The following NAV2 variants were observed in gnomAD, a reference collection of about 807,000 sequenced individuals.
NAV2 encodes the protein neuron navigator 2.
Under a neutral mutation model 223.2 loss-of-function variants are expected in NAV2, and 54 were observed. The ratio of observed to expected loss-of-function variants is 0.24; its 90% CI spans 0.19 to 0.30. The LOEUF is 0.30. NAV2 is among the 10% of genes least tolerant of loss of function. NAV2 has a pLI of 1.00. For missense variants in NAV2, 2,806 were observed against 3,147.5 expected (o/e 0.89, Z 2.60); for synonymous variants, 1,279 against 1,239.3 (o/e 1.03, Z -0.67).
chr11:19,444,224 A>T (rs1013083918), intron 1 of NAV2, among the ~76,000 whole-genome samples: 18 of 152,184 alleles, frequency 1.2e-4, no homozygotes. Flanking sequence ...TACAGGCATG[A>T]GCCACTGTGC....
chr11:19,396,088 C>T (rs1040063442), intron 1 of NAV2, among the ~76,000 whole-genome samples: 2 of 152,164 alleles, frequency 1.3e-5, no homozygotes, highest in African/African-American at 4.8e-5. Flanking sequence ...GTACCTAGAG[C>T]CCTGCTCAGC....
At chr11:19,789,805 C>G (rs954803001) in intron 1 of NAV2, among the ~76,000 whole-genome samples, 1 of 152,168 alleles carries the variant, frequency 6.6e-6, no homozygotes, top group African/African-American at 2.4e-5. Context: ...GGGGCTTCCT[C>G]CCCCTTTCTG....
intron 10 of NAV2, among the ~76,000 whole-genome samples, chr11:19,949,443 T>C (rs796580259): frequency 1.6e-4 from 25 of 152,192 alleles, no homozygotes; most frequent in African/African-American, 5.6e-4. Flanking sequence ...TCCTCTCTCC[T>C]ACCTATTTCC....
chr11:20,099,630 T>G (rs1199861777), intron 31 of NAV2, among the ~76,000 whole-genome samples: 2 of 152,162 alleles, frequency 1.3e-5, no homozygotes, highest in Non-Finnish European at 2.9e-5. Context: ...TTCAAGACAC[T>G]AAAAACCACT....
intron 30 of NAV2, 84 bp from the exon 31 acceptor site, chr11:20,097,493 T>C (rs1039879680): frequency 4.5e-6 from 5 of 1,116,550 alleles, no homozygotes; most frequent in Non-Finnish European, 5.0e-6. Context: ...GAGAATATGA[T>C]CATAAATCAC....
intron 36 of NAV2, among the ~76,000 whole-genome samples, chr11:20,110,395 G>A (rs975622857): frequency 2.0e-5 from 3 of 152,198 alleles, no homozygotes; most frequent in Non-Finnish European, 4.4e-5. Flanking sequence ...GGAACATTTG[G>A]TGATGTTTTT....
chr11:19,383,203 A>T (rs533611708), intron 1 of NAV2, among the ~76,000 whole-genome samples: 2 of 152,062 alleles, frequency 1.3e-5, no homozygotes, highest in Non-Finnish European at 2.9e-5. Context: ...CTTCCTTTAC[A>T]GTTAACTGTG....
intron 1 of NAV2, among the ~76,000 whole-genome samples, chr11:19,780,220 A>T (rs187904260): frequency 6.6e-6 from 1 of 152,292 alleles, no homozygotes; most frequent in East Asian, 1.9e-4. Flanking sequence ...ATCTGTCCAA[A>T]TCCCATCTGA....
At chr11:19,414,382 C>A (rs1399494968) in intron 1 of NAV2, among the ~76,000 whole-genome samples, 1 of 152,164 alleles carries the variant, frequency 6.6e-6, no homozygotes, top group Non-Finnish European at 1.5e-5. Flanking sequence ...ATCAATGCAA[C>A]AAGAAGAGCT....
At chr11:19,690,172 G>A (rs916322602) in intron 1 of NAV2, among the ~76,000 whole-genome samples, 1 of 152,088 alleles carries the variant, frequency 6.6e-6, no homozygotes, top group African/African-American at 2.4e-5. Flanking sequence ...ATGTTGGTCA[G>A]GCTGCTCTAG....
rs139275676 is a variant in NAV2, at chr11:19,814,441, C to G, written c.268-18043C>G. Among the ~76,000 whole-genome samples, 213 of 152,300 alleles carry G rather than the reference C, an allele frequency of 1.4e-3. 1 individual carries two copies. The highest frequency in any genetic ancestry group is 4.9e-3 in the African/African-American group (205 of 41,566). On this transcript the variant is annotated intron_variant, in intron 1 of 37. Coordinates refer to ENST00000349880, the MANE Select transcript of NAV2 (RefSeq NM_145117.5). Reference sequence around the variant, plus strand: ...TCATTTAAGCTGGAAGGCATCTGTACCCATGGCTTTCCACTTGCTGCCGAG... The same window carrying G: ...TCATTTAAGCTGGAAGGCATCTGTAGCCATGGCTTTCCACTTGCTGCCGAG...
At chr11:20,014,230 C>T (rs933942564) in intron 11 of NAV2, among the ~76,000 whole-genome samples, 1 of 152,204 alleles carries the variant, frequency 6.6e-6, no homozygotes, top group South Asian at 2.1e-4. Flanking sequence ...CCCTCATTAT[C>T]ACCCTGTGGT....
At chr11:19,480,397 A>G (rs530661429) in intron 1 of NAV2, among the ~76,000 whole-genome samples, 5 of 152,268 alleles carry the variant, frequency 3.3e-5, no homozygotes, top group Admixed American at 3.3e-4. Flanking sequence ...GCTGACCAGG[A>G]CTGGATTTGG....
chr11:20,118,197 A>G lies in NAV2; in HGVS notation c.7229A>G (p.Asp2410Gly). The G allele has an allele frequency of 6.2e-7, 1 of 1,612,736 alleles. No homozygotes were observed. The highest frequency in any genetic ancestry group is 8.5e-7 in the Non-Finnish European group (1 of 1,179,614). Residue 2410 changes from aspartate (D) to glycine (G), a missense_variant, in exon 38 of 38, where the codon GAC becomes GGC. Physicochemically the swap from Asp to Gly is moderately conservative, Grantham distance 94. Transcript: ENST00000349880. ...NYSSPQSYDS[D>G]SNSNSHHDDI... ...TCCAGCCCCCAGAGCTATGACAGCG[A>G]CTCCAACAGCAACAGCCATCACGAT...
intron 1 of NAV2, among the ~76,000 whole-genome samples, chr11:19,386,877 G>A (rs1343273022): frequency 4.6e-5 from 7 of 152,102 alleles, no homozygotes; most frequent in African/African-American, 1.4e-4. Context: ...AAAAATAGGG[G>A]GAGGTGACAC....
intron 1 of NAV2, among the ~76,000 whole-genome samples, chr11:19,801,029 C>A (rs972678312): frequency 1.3e-5 from 2 of 152,126 alleles, no homozygotes; most frequent in African/African-American, 4.8e-5. Context: ...CAACAGATAA[C>A]TTTATTTTTT....
chr11:19,821,225 G>A (rs2059360474), intron 1 of NAV2, among the ~76,000 whole-genome samples: 2 of 143,194 alleles, frequency 1.4e-5, no homozygotes, highest in African/African-American at 5.3e-5. Context: ...TTGCGCCACT[G>A]CACTCCAGCC....
chr11:19,472,166 T>G (rs1028309553), intron 1 of NAV2, among the ~76,000 whole-genome samples: 10 of 152,292 alleles, frequency 6.6e-5, no homozygotes, highest in Middle Eastern at 3.4e-3. Context: ...CTGCAATCCC[T>G]TTCAGTTCAA....
chr11:20,045,767 C>A, intron 14 of NAV2, 97 bp downstream of exon 14: 2 of 992,138 alleles, frequency 2.0e-6, no homozygotes, highest in Non-Finnish European at 2.9e-6. Flanking sequence ...CTGTTTTTCT[C>A]CACTTTAGTC....
Sources: gnomAD v4.1 joint callset for allele counts (sites outside exome capture counted in the v4.1 genomes callset) on GRCh38, gnomAD v4.1.1 for gene constraint, MANE v1.5 for transcripts, NCBI Gene and HGNC (gene_info 2026-07-23, HGNC 2026-07-21) for gene names.